Variants in ADIPOR2 observed in about 807,000 individuals in gnomAD.
ADIPOR2 encodes adiponectin receptor protein 2.
ADIPOR2 carries 18 observed loss-of-function variants against 40.9 expected under a neutral mutation model. The observed-to-expected ratio is 0.44, with a 90% CI of 0.30 to 0.65. The LOEUF is 0.65. Among genes scored for constraint, ADIPOR2 ranks in the 30% least tolerant of loss-of-function variants. The pLI, the probability that ADIPOR2 is intolerant of heterozygous loss-of-function variation, is 0.09. For missense variants in ADIPOR2, 283 were observed against 479.2 expected (o/e 0.59, Z 3.82); for synonymous variants, 165 against 166.4 (o/e 0.99, Z 0.06).
At chr12:1,784,182 A>T in intron 7 of ADIPOR2, 109 bp downstream of exon 7, 1 of 1,236,146 alleles carries the variant, frequency 8.1e-7, no homozygotes, top group Non-Finnish European at 1.1e-6. Context: ...GGAGAGTTGT[A>T]TCCTGGTCCT....
At chr12:1,735,989 C>T (rs933607524) in intron 1 of ADIPOR2, among the ~76,000 whole-genome samples, 6 of 152,054 alleles carry the variant, frequency 3.9e-5, no homozygotes, top group African/African-American at 7.3e-5. Context: ...CTGCTGGATT[C>T]GGTTTGCCAG....
rs537643218 is a variant in ADIPOR2 at position 1,734,863 on chromosome 12, C to T, written c.-86-19395C>T. On this transcript the variant is annotated intron_variant, in intron 1 of 7. Transcript: ENST00000357103. ...AGCACCATTTATTACATAGGGAATC[C>T]TTTCCCCATTTCTTGTTTTTGTCAG... is the stretch of plus-strand genomic sequence containing the variant. Among the ~76,000 whole-genome samples the T allele has an allele frequency of 6.2e-4, 95 of 152,290 alleles. 1 individual carries two copies. The highest frequency in any genetic ancestry group is 2.2e-3 in the African/African-American group (91 of 41,564).
chr12:1,769,604 G>A (rs575657383), intron 2 of ADIPOR2, among the ~76,000 whole-genome samples: 2 of 152,204 alleles, frequency 1.3e-5, no homozygotes, highest in Admixed American at 1.3e-4. Context: ...GCAATGGCAC[G>A]ATCTCGGCTC....
At chr12:1,780,724 T>A in intron 5 of ADIPOR2, 87 bp downstream of exon 5, 1 of 1,416,518 alleles carries the variant, frequency 7.1e-7, no homozygotes, top group Non-Finnish European at 9.4e-7. Flanking sequence ...GCAGAATTCT[T>A]AATATCATCT....
At chr12:1,719,587 C>T (rs372407260) in intron 1 of ADIPOR2, among the ~76,000 whole-genome samples, 1 of 151,954 alleles carries the variant, frequency 6.6e-6, no homozygotes. Flanking sequence ...AGAGATAATC[C>T]TTGGGAAATA....
chr12:1,763,528 CAAAAAG>C (rs899155516), intron 2 of ADIPOR2, among the ~76,000 whole-genome samples: 2 of 152,136 alleles, frequency 1.3e-5, no homozygotes, highest in African/African-American at 4.8e-5. Context: ...ATATTTGTGT[CAAAAAG>C]AAAAGACTTC....
At chr12:1,745,738 C>T (rs560797377) in intron 1 of ADIPOR2, among the ~76,000 whole-genome samples, 2 of 152,206 alleles carry the variant, frequency 1.3e-5, no homozygotes, top group Non-Finnish European at 2.9e-5. Context: ...ATGTTTTGTT[C>T]TTGCTTCAAT....
At chr12:1,747,109 C>T (rs1180269622) in intron 1 of ADIPOR2, among the ~76,000 whole-genome samples, 1 of 146,164 alleles carries the variant, frequency 6.8e-6, no homozygotes, top group Non-Finnish European at 1.5e-5. Context: ...GACTTTAACA[C>T]CGCTGTAAAC....
In ADIPOR2 at chr12:1,757,684, A is replaced by G. The variant is rs556560177; in HGVS notation, c.171+3170A>G. 115 of 1,314,906 alleles carry G rather than the reference A, an allele frequency of 8.7e-5. 1 individual carries two copies. In the South Asian group the frequency reaches 1.2e-3, roughly 14 times the overall value. The allele number at this position is 1,314,906 out of a possible 1,614,324, so 81.5% of individuals were successfully genotyped here. ...GGCCTCCTCAGGTGTAATAGGATGT[A>G]CAGCAAAGCGACCCTTGGTGTCATA... On this transcript the variant is annotated intron_variant, in intron 2 of 7. Transcript: ENST00000357103.
intron 1 of ADIPOR2, among the ~76,000 whole-genome samples, chr12:1,751,165 G>A (rs1260961326): frequency 2.0e-5 from 3 of 151,894 alleles, no homozygotes; most frequent in Non-Finnish European, 4.4e-5. Context: ...TAAATTTATG[G>A]GAACCTGAAG....
At chr12:1,748,715 A>G (rs2094762392) in intron 1 of ADIPOR2, among the ~76,000 whole-genome samples, 1 of 151,822 alleles carries the variant, frequency 6.6e-6, no homozygotes, top group Non-Finnish European at 1.5e-5. Flanking sequence ...ATTGCTTTGG[A>G]TATTTGTAAA....
At chr12:1,770,352 G>A (rs1015424028) in intron 2 of ADIPOR2, among the ~76,000 whole-genome samples, 1 of 152,126 alleles carries the variant, frequency 6.6e-6, no homozygotes, top group African/African-American at 2.4e-5. Context: ...CATATCTGTA[G>A]TTTTGAAATG....
chr12:1,735,639 A>T (rs2094728851), intron 1 of ADIPOR2, among the ~76,000 whole-genome samples: 1 of 152,160 alleles, frequency 6.6e-6, no homozygotes. Context: ...TATGTTGAAT[A>T]GGAGTGGTGA....
chr12:1,747,740 T>C (rs2094758881), intron 1 of ADIPOR2, among the ~76,000 whole-genome samples: 1 of 152,188 alleles, frequency 6.6e-6, no homozygotes, highest in African/African-American at 2.4e-5. Flanking sequence ...TTTGATTATG[T>C]TATCTCATTG....
chr12:1,712,553 T>G (rs978962151), intron 1 of ADIPOR2, among the ~76,000 whole-genome samples: 1 of 152,140 alleles, frequency 6.6e-6, no homozygotes, highest in African/African-American at 2.4e-5. Context: ...ATTCCTGCTC[T>G]CTCTCTGACG....
intron 2 of ADIPOR2, among the ~76,000 whole-genome samples, chr12:1,765,736 C>T (rs952949118): frequency 1.3e-5 from 2 of 151,996 alleles, no homozygotes; most frequent in Admixed American, 1.3e-4. Flanking sequence ...TTTTTTTCCC[C>T]CTTTTTTCTT....
rs145458346 is a variant in ADIPOR2, at chr12:1,774,481, A to G, written c.291+1520A>G. On this transcript the variant is annotated intron_variant, in intron 3 of 7. Transcript: ENST00000357103. ...CCCTGCCATGGCAGTGCAACTGACC[A>G]CACTTGAAAACCAGCCGTGTCTAGT... 1.1e-3 allele frequency among the ~76,000 whole-genome samples: 165 copies of G among 152,338 alleles called. 2 individuals are homozygous for G. In the East Asian group the frequency reaches 0.03, roughly 28 times the overall value.
intron 2 of ADIPOR2, among the ~76,000 whole-genome samples, chr12:1,761,742 A>G (rs546133428): frequency 6.6e-6 from 1 of 152,346 alleles, no homozygotes; most frequent in African/African-American, 2.4e-5. Context: ...TCTCCTCATC[A>G]TCTGTTCTGC....
intron 1 of ADIPOR2, among the ~76,000 whole-genome samples, chr12:1,700,868 T>G (rs1374186355): frequency 1.3e-5 from 2 of 152,120 alleles, no homozygotes; most frequent in African/African-American, 4.8e-5. Context: ...GGGGTTGATT[T>G]GAATTTAGGC....
Sources: gnomAD v4.1 joint callset for allele counts (sites outside exome capture counted in the v4.1 genomes callset) on GRCh38, gnomAD v4.1.1 for gene constraint, MANE v1.5 for transcripts, NCBI Gene and HGNC (gene_info 2026-07-23, HGNC 2026-07-21) for gene names.